Variants in PCARE observed in about 807,000 individuals in gnomAD.
PCARE encodes the protein photoreceptor cilium actin regulator.
PCARE carries 72 observed loss-of-function variants against 82.2 expected under a neutral mutation model. That is an observed-to-expected ratio of 0.88 (90% CI 0.72 to 1.07). PCARE has a LOEUF of 1.07. Among genes scored for constraint, PCARE ranks in the 50% least tolerant of loss-of-function variants. The pLI is 0.00. For synonymous variants in PCARE, 705 were observed against 634.8 expected, an observed-to-expected ratio of 1.11 and a Z score of -1.66; for missense variants, 1,768 against 1,592.4, an observed-to-expected ratio of 1.11 and a Z score of -1.88.
chr2:29,062,532 A>G lies in PCARE; in HGVS notation c.*2337T>C, dbSNP rs1042343623. ...AGACAGCCTCCTGCCATGCATGCTC[A>G]CGGAAAGCACCGTTGTTCATTCCGG... On this transcript the variant is annotated 3_prime_UTR_variant, in exon 2 of 2. Coordinates refer to ENST00000331664, the MANE Select transcript of PCARE (RefSeq NM_001029883.3). 3 of 152,244 alleles carry G rather than the reference A, an allele frequency of 2.0e-5. No individual in the cohort carries two copies. The highest frequency in any genetic ancestry group is 2.0e-4 in the Admixed American group (3 of 15,272). 9.4% of individuals were successfully genotyped at this position (152,244 alleles called of 1,614,324 possible). A position where few individuals can be genotyped will look rare whatever the true frequency, so the allele number is the denominator to read the frequency against.
intron 1 of PCARE, among the ~76,000 whole-genome samples, chr2:29,065,857 A>G (rs534295104): frequency 6.6e-6 from 1 of 152,326 alleles, no homozygotes; most frequent in East Asian, 1.9e-4. Flanking sequence ...TATAAAATGG[A>G]AGTAATAGGC....
At position 29,070,908 on chromosome 2, in the gene PCARE, G is replaced by T; in HGVS notation, c.3354C>A (p.Asn1118Lys). Residue 1118 changes from asparagine to lysine, a missense_variant, in exon 1 of 2, where the codon AAC becomes AAA. Transcript: ENST00000331664. ...SQAVIAKVSG[N>K]THSIFCPATS... ...TAGCTGGGCAGAATATGGAATGTGT[G>T]TTCCCAGACACTTTGGCTATGACTG... is the stretch of plus-strand genomic sequence containing the variant. 6.2e-7 allele frequency: 1 copy of T among 1,613,796 alleles called. No individual in the cohort carries two copies.
chr2:29,072,008 CCTTA>C lies in PCARE; in HGVS notation c.2250_2253del (p.Lys751ThrfsTer45), dbSNP rs1341416954. The C allele has an allele frequency of 6.2e-7, 1 of 1,613,946 alleles. No individual in the cohort carries two copies. The highest frequency in any genetic ancestry group is 2.2e-5 in the East Asian group (1 of 44,880). ...CTGAGGCAGGGACTTGCCCCAGCGT[CCTTA>C]GAGTCCCCCAGCATCCTCAGACTCT... On this transcript the variant is annotated frameshift_variant, in exon 1 of 2. Coordinates refer to ENST00000331664, the MANE Select transcript of PCARE (RefSeq NM_001029883.3). LOFTEE classifies it high-confidence loss of function.
In PCARE at chr2:29,071,750, G is replaced by A; in HGVS notation, c.2512C>T (p.Leu838=). Reference sequence around the variant, plus strand: ...AGAGAAGCGAATGATTTGTCCATCAGAACTTCCATAGGCGGTGGAGGGAGG... The same window carrying A: ...AGAGAAGCGAATGATTTGTCCATCAAAACTTCCATAGGCGGTGGAGGGAGG... The part of the protein sequence containing the change: ...EHLPPPPMEV[L]MDKSFASLES... The change falls in exon 1 of 2, where the codon CTG becomes TTG. Residue 838 remains leucine (L), a synonymous_variant. Coordinates refer to ENST00000331664, the MANE Select transcript of PCARE (RefSeq NM_001029883.3). 5 of 1,613,688 alleles carry A rather than the reference G, an allele frequency of 3.1e-6. No individual in the cohort carries two copies. The highest frequency in any genetic ancestry group is 3.3e-4 in the Middle Eastern group (2 of 6,062).
rs757355249 is a variant in PCARE at position 29,065,066 on chromosome 2, T to TGCC, written c.3669_3670insGGC (p.Ser1223_Ser1224insGly). The stretch of plus-strand genomic sequence containing the variant: ...TCCTTCTTAGGGCTCTCCTCGCTGC[T>TGCC]GCTGCCGAGAGAAAGGACAAGTGCA... On this transcript the variant is annotated inframe_insertion and splice_region_variant, in exon 2 of 2. Transcript: ENST00000331664. 2.3e-5 allele frequency: 35 copies of TGCC among 1,550,432 alleles called. No individual in the cohort carries two copies. The East Asian group carries it at 7.3e-4, about 32-fold the overall frequency.
At chr2:29,068,431 A>G (rs1008925435) in intron 1 of PCARE, among the ~76,000 whole-genome samples, 3 of 152,240 alleles carry the variant, frequency 2.0e-5, no homozygotes, top group African/African-American at 7.2e-5. Context: ...GCTGATTTAC[A>G]CAATCGTGGG....
chr2:29,064,077 G>C lies in PCARE; in HGVS notation c.*792C>G, dbSNP rs1667352161. The C allele has an allele frequency of 6.5e-6, 1 of 153,732 alleles. No individual in the cohort carries two copies. Among genetic ancestry groups the C allele is most frequent in the Non-Finnish European group, 1.5e-5 (1 of 68,168 alleles). The allele number at this position is 153,732 out of a possible 1,614,324, so 9.5% of individuals were successfully genotyped here. ...GGCAGCGTGGCTGGTATTGTGAGCT[G>C]TCAGCTTTAAGTTTACAGCATTGAA... is the stretch of plus-strand genomic sequence containing the variant. On this transcript the variant is annotated 3_prime_UTR_variant, in exon 2 of 2. Coordinates refer to ENST00000331664, the MANE Select transcript of PCARE (RefSeq NM_001029883.3).
intron 1 of PCARE, 33 bp from the exon 2 acceptor site, chr2:29,065,100 A>C (rs1558485252): frequency 6.5e-7 from 1 of 1,543,422 alleles, no homozygotes; most frequent in African/African-American, 1.4e-5. Context: ...CAGGTCAGAC[A>C]CTCCTCCTCT....
At chr2:29,066,196 C>T (rs1667387089) in intron 1 of PCARE, among the ~76,000 whole-genome samples, 1 of 152,152 alleles carries the variant, frequency 6.6e-6, no homozygotes, top group African/African-American at 2.4e-5. Flanking sequence ...GTACCCAGCT[C>T]ATCAGGCACT....
Position 29,073,360 on chromosome 2 carries a change from T to G in PCARE, c.902A>C (p.His301Pro). Residue 301 changes from histidine to proline, a missense_variant, in exon 1 of 2, where the codon CAC becomes CCC. Coordinates refer to ENST00000331664, the MANE Select transcript of PCARE (RefSeq NM_001029883.3). Reference sequence around the variant, plus strand: ...ATTTTCCAAGTGGGTTGCAGTGGAGTGGAGGTAGCTGCTGGAGCCCTCCAG... The same window carrying G: ...ATTTTCCAAGTGGGTTGCAGTGGAGGGGAGGTAGCTGCTGGAGCCCTCCAG... ...SFLEGSSSYL[H>P]STATHLENKL... 1 of 1,613,794 alleles carries G rather than the reference T, an allele frequency of 6.2e-7. No individual in the cohort carries two copies. The highest frequency in any genetic ancestry group is 8.5e-7 in the Non-Finnish European group (1 of 1,180,026).
In PCARE at chr2:29,073,349, T is replaced by C; in HGVS notation, c.913A>G (p.Thr305Ala). 6.2e-7 allele frequency: 1 copy of C among 1,613,988 alleles called. No homozygotes were observed. Among genetic ancestry groups the C allele is most frequent in the Middle Eastern group, 1.6e-4 (1 of 6,062 alleles). The change falls in exon 1 of 2, where the codon ACC becomes GCC. Residue 305 changes from threonine (T) to alanine (A), a missense_variant. Physicochemically the swap from Thr to Ala is moderately conservative, Grantham distance 58. Coordinates refer to ENST00000331664, the MANE Select transcript of PCARE (RefSeq NM_001029883.3). The stretch of plus-strand genomic sequence containing the variant: ...GTGCTCAGCTTATTTTCCAAGTGGG[T>C]TGCAGTGGAGTGGAGGTAGCTGCTG... ...GSSSYLHSTA[T>A]HLENKLSTKR... is the part of the protein sequence containing the mutation.
rs1667502032 is a variant in PCARE, at chr2:29,072,166, G to A, written c.2096C>T (p.Ala699Val). The A allele has an allele frequency of 6.2e-7, 1 of 1,614,258 alleles. No individual in the cohort carries two copies. Residue 699 changes from alanine to valine, a missense_variant, in exon 1 of 2, where the codon GCT (alanine) becomes GTT (valine). Transcript: ENST00000331664. ...TGGGATGGCATTTGGAAGCTTCCCA[G>A]CTTTGCCTTGTTCGTCCTCAGGATG... ...NPHPEDEQGK[A>V]GKLPNAIPSG...
At chr2:29,065,202 G>T in intron 1 of PCARE, 135 bp from the exon 2 acceptor site, 1 of 1,072,788 alleles carries the variant, frequency 9.3e-7, no homozygotes, top group Non-Finnish European at 1.4e-6. Context: ...TGGGTGCCAG[G>T]CCTCTGCCCT....
Position 29,072,629 on chromosome 2 carries a change from T to G in PCARE, c.1633A>C (p.Lys545Gln). The change falls in exon 1 of 2, where the codon AAG becomes CAG. Residue 545 changes from lysine (K) to glutamine (Q), a missense_variant. Transcript: ENST00000331664. ...TTGATCCTTTCGCTGATTGACTCCT[T>G]CATCTTCAGAATCATTTCCTGGGCC... The part of the protein sequence containing the change: ...LQAQEMILKM[K>Q]ESISERIKFV... The G allele has an allele frequency of 6.2e-7, 1 of 1,614,074 alleles. No homozygotes were observed. The highest frequency in any genetic ancestry group is 8.5e-7 in the Non-Finnish European group (1 of 1,180,012).
rs768329444 is a variant in PCARE at position 29,072,882 on chromosome 2, C to A, written c.1380G>T (p.Gly460=). Reference sequence around the variant, plus strand: ...GGTGTGGTTCCACAGAGACCCCAATCCCAAAGGAATCACATGGGGTGCTTG... The same window carrying A: ...GGTGTGGTTCCACAGAGACCCCAATACCAAAGGAATCACATGGGGTGCTTG... The part of the protein sequence containing the change: ...LGTSTPCDSF[G]IGVSVEPHLS... Residue 460 remains glycine (G), a synonymous_variant, in exon 1 of 2, where the codon GGG becomes GGT. Transcript: ENST00000331664. 2 of 1,614,178 alleles carry A rather than the reference C, an allele frequency of 1.2e-6. No homozygotes were observed. The highest frequency in any genetic ancestry group is 8.5e-7 in the Non-Finnish European group (1 of 1,180,030).
rs967629434 is a variant in PCARE, at chr2:29,063,528, C to T, written c.*1341G>A. On this transcript the variant is annotated 3_prime_UTR_variant, in exon 2 of 2. Transcript: ENST00000331664. ...GACCCAGTTTAACAAGTTTTTGAGC[C>T]CACAGTCCCAGCAAGAATGGGTTTG... The T allele has an allele frequency of 1.3e-5, 2 of 152,610 alleles. No homozygotes were observed. The highest frequency in any genetic ancestry group is 4.8e-5 in the African/African-American group (2 of 41,436). The allele number at this position is 152,610 out of a possible 1,614,324, so 9.5% of individuals were successfully genotyped here.
intron 1 of PCARE, among the ~76,000 whole-genome samples, chr2:29,070,096 T>G (rs1165554097): frequency 1.4e-5 from 2 of 145,026 alleles, no homozygotes; most frequent in Admixed American, 6.9e-5. Context: ...TACTATTTTA[T>G]TTTTTTGAGA....
chr2:29,072,931 G>C lies in PCARE; in HGVS notation c.1331C>G (p.Thr444Ser), dbSNP rs750826772. ...CLSSTSPENI[T>S]SPPLKLGTST... ...TGTCCCCAGCTTCAAAGGTGGGGAG[G>C]TGATATTTTCTGGGCTTGTACTGGA... The change falls in exon 1 of 2, where the codon ACC (threonine) becomes AGC (serine). Residue 444 changes from threonine (T) to serine (S), a missense_variant. Transcript: ENST00000331664. The C allele has an allele frequency of 3.1e-6, 5 of 1,614,046 alleles. No homozygotes were observed. Among genetic ancestry groups the C allele is most frequent in the Non-Finnish European group, 4.2e-6 (5 of 1,180,026 alleles).
rs1667336117 is a variant in PCARE at position 29,063,086 on chromosome 2, C to CACCCCATGG, written c.*1782_*1783insCCATGGGGT. On this transcript the variant is annotated 3_prime_UTR_variant, in exon 2 of 2. Transcript: ENST00000331664. The stretch of plus-strand genomic sequence containing the variant: ...ACCCCATGGTGACCCAATGGTTGGT[C>CACCCCATGG]TGCCCAACCATTTAGGGAGAATGCC... The CACCCCATGG allele has an allele frequency of 6.6e-6, 1 of 152,332 alleles. No homozygotes were observed. Among genetic ancestry groups the CACCCCATGG allele is most frequent in the Non-Finnish European group, 1.5e-5 (1 of 68,112 alleles). The allele number at this position is 152,332 out of a possible 1,614,324, so 9.4% of individuals were successfully genotyped here. A position where few individuals can be genotyped will look rare whatever the true frequency, so the allele number is the denominator to read the frequency against.
Sources: allele counts gnomAD v4.1 joint callset (sites outside exome capture counted in the v4.1 genomes callset), GRCh38; gene constraint gnomAD v4.1.1; transcripts MANE v1.5; gene names NCBI Gene and HGNC (gene_info 2026-07-23, HGNC 2026-07-21).